The following PPFIA2 variants were observed in gnomAD, a reference collection of about 807,000 sequenced individuals.
PPFIA2 encodes liprin-alpha-2.
Under a neutral mutation model 175.5 loss-of-function variants are expected in PPFIA2, and 46 were observed. The ratio of observed to expected loss-of-function variants is 0.26; its 90% CI spans 0.21 to 0.34. The LOEUF (loss-of-function observed/expected upper bound fraction) is 0.34, where lower values mean the gene tolerates loss of function less well. Ranked by LOEUF, PPFIA2 falls within the 10% of genes least tolerant of loss-of-function variation. The pLI is 1.00. For synonymous variants in PPFIA2, 568 were observed against 511.4 expected, an observed-to-expected ratio of 1.11 and a Z score of -1.49; for missense variants, 1,179 against 1,506.1, an observed-to-expected ratio of 0.78 and a Z score of 3.60.
At chr12:81,659,521 T>C (rs1414208848) in intron 4 of PPFIA2, among the ~76,000 whole-genome samples, 1 of 152,186 alleles carries the variant, frequency 6.6e-6, no homozygotes, top group African/African-American at 2.4e-5. Context: ...GCGCCCGCCA[T>C]TGCTGAGGCT....
At chr12:81,301,487 G>T (rs2047823307) in intron 22 of PPFIA2, among the ~76,000 whole-genome samples, 1 of 152,080 alleles carries the variant, frequency 6.6e-6, no homozygotes, top group Non-Finnish European at 1.5e-5. Flanking sequence ...CTTTCATTTT[G>T]AAACTTCTGA....
At chr12:81,686,921 C>T (rs145167449) in intron 3 of PPFIA2, among the ~76,000 whole-genome samples, 40 of 152,154 alleles carry the variant, frequency 2.6e-4, no homozygotes, top group African/African-American at 9.1e-4. Flanking sequence ...CCTTTTTCCA[C>T]TCTCACTTTC....
At chr12:81,364,623 T>C (rs1220795504) in intron 14 of PPFIA2, among the ~76,000 whole-genome samples, 1 of 151,904 alleles carries the variant, frequency 6.6e-6, no homozygotes, top group East Asian at 2.0e-4. Flanking sequence ...AGCAGAGAAG[T>C]GGCATGATCA....
intron 30 of PPFIA2, among the ~76,000 whole-genome samples, chr12:81,264,725 T>C (rs1203569078): frequency 2.6e-5 from 4 of 152,222 alleles, no homozygotes; most frequent in African/African-American, 9.6e-5. Context: ...CTTATCATCA[T>C]TAAAATCTAC....
At position 81,362,716 on chromosome 12, in the gene PPFIA2, A is replaced by G. The variant is rs1433896667; in HGVS notation, c.1614T>C (p.Ser538=). Residue 538 remains serine, a synonymous_variant, in exon 15 of 33, where the codon TCT becomes TCC. Transcript: ENST00000549396. Reference sequence around the variant, plus strand: ...ACCTTGGTATTGTGGGTTCAATTAAAGAGCCAGTTCTCATTTTCAATTGGT... The same window carrying G: ...ACCTTGGTATTGTGGGTTCAATTAAGGAGCCAGTTCTCATTTTCAATTGGT... ...ELDQLKMRTG[S]LIEPTIPRTH... is the part of the protein sequence containing the mutation. The G allele has an allele frequency of 6.5e-7, 1 of 1,546,940 alleles. No individual in the cohort carries two copies.
intron 8 of PPFIA2, among the ~76,000 whole-genome samples, chr12:81,405,519 T>G (rs1316392298): frequency 6.6e-6 from 1 of 151,800 alleles, no homozygotes; most frequent in South Asian, 2.1e-4. Context: ...TTCTATATAA[T>G]TTAAATACTT....
At chr12:81,623,354 G>C (rs2062291923) in intron 4 of PPFIA2, among the ~76,000 whole-genome samples, 1 of 151,958 alleles carries the variant, frequency 6.6e-6, no homozygotes, top group African/African-American at 2.4e-5. Flanking sequence ...ATACAAATAA[G>C]TGTCATGAGA....
chr12:81,259,920 T>C, intron 32 of PPFIA2: 1 of 325,938 alleles, frequency 3.1e-6, no homozygotes, highest in Non-Finnish European at 5.6e-6. Context: ...ACAAAGGTAG[T>C]TATGCAAAAT....
intron 4 of PPFIA2, among the ~76,000 whole-genome samples, chr12:81,473,660 G>T (rs1191469892): frequency 6.6e-6 from 1 of 152,042 alleles, no homozygotes; most frequent in Non-Finnish European, 1.5e-5. Context: ...CACCCAAGAT[G>T]AATTTTATTG....
intron 2 of PPFIA2, among the ~76,000 whole-genome samples, chr12:81,757,966 G>C (rs1217443249): frequency 6.6e-6 from 1 of 152,140 alleles, no homozygotes; most frequent in Non-Finnish European, 1.5e-5. Flanking sequence ...CCTAGCCATT[G>C]TCTGATTACA....
At chr12:81,425,290 T>G (rs1214675333) in intron 7 of PPFIA2, among the ~76,000 whole-genome samples, 5 of 152,168 alleles carry the variant, frequency 3.3e-5, no homozygotes, top group Non-Finnish European at 7.4e-5. Flanking sequence ...CTCAGCCTTA[T>G]GCCTCAAAAA....
intron 7 of PPFIA2, among the ~76,000 whole-genome samples, chr12:81,406,285 G>C (rs945627860): frequency 6.6e-6 from 1 of 151,858 alleles, no homozygotes; most frequent in African/African-American, 2.4e-5. Flanking sequence ...TATTTTTAAA[G>C]TATACAAGAA....
At chr12:81,440,545 C>T (rs117376196) in intron 6 of PPFIA2, among the ~76,000 whole-genome samples, 3,911 of 152,044 alleles carry the variant, frequency 0.026, 83 homozygotes, top group Non-Finnish European at 0.037. Flanking sequence ...ATGTTCTTCG[C>T]TTCTCTGTTT....
chr12:81,320,408 G>A (rs932000080), intron 22 of PPFIA2, among the ~76,000 whole-genome samples: 4 of 152,010 alleles, frequency 2.6e-5, no homozygotes, highest in Non-Finnish European at 4.4e-5. Context: ...TGATAGCTGA[G>A]TCGGGGTGTT....
At chr12:81,679,547 A>G (rs1415833136) in intron 3 of PPFIA2, among the ~76,000 whole-genome samples, 1 of 151,940 alleles carries the variant, frequency 6.6e-6, no homozygotes, top group East Asian at 1.9e-4. Flanking sequence ...TTGAGAAAAA[A>G]TGAGAAAGAA....
intron 4 of PPFIA2, among the ~76,000 whole-genome samples, chr12:81,617,995 T>G (rs755087677): frequency 1.3e-5 from 2 of 152,104 alleles, no homozygotes; most frequent in Admixed American, 6.5e-5. Context: ...GATTCGTGAG[T>G]TGTGATTTTA....
intron 21 of PPFIA2, among the ~76,000 whole-genome samples, 152 bp from the exon 22 acceptor site, chr12:81,326,022 G>A (rs1053146155): frequency 1.3e-5 from 2 of 152,070 alleles, no homozygotes; most frequent in African/African-American, 2.4e-5. Flanking sequence ...AAAATGGCAT[G>A]GGTACATACA....
chr12:81,416,595 C>T (rs189451106), intron 7 of PPFIA2, among the ~76,000 whole-genome samples: 23 of 151,774 alleles, frequency 1.5e-4, no homozygotes. Flanking sequence ...GTGAAAACAG[C>T]AAACAGAACT....
intron 4 of PPFIA2, among the ~76,000 whole-genome samples, chr12:81,490,266 C>T (rs1286029299): frequency 6.6e-6 from 1 of 151,868 alleles, no homozygotes; most frequent in Non-Finnish European, 1.5e-5. Context: ...GCGAATATTG[C>T]TTTGTAGGAT....
Sources: gnomAD v4.1 joint callset for allele counts (sites outside exome capture counted in the v4.1 genomes callset) on GRCh38, gnomAD v4.1.1 for gene constraint, MANE v1.5 for transcripts, NCBI Gene and HGNC (gene_info 2026-07-23, HGNC 2026-07-21) for gene names.